The following C5 variants were observed in gnomAD, a reference collection of about 807,000 sequenced individuals.
C5 encodes the protein C3 and PZP-like alpha-2-macroglobulin domain-containing protein 4.
C5 carries 140 observed loss-of-function variants against 218.8 expected under a neutral mutation model. The observed-to-expected ratio is 0.64, with a 90% CI of 0.56 to 0.74. The LOEUF is 0.74. Among genes scored for constraint, C5 ranks in the 30% least tolerant of loss-of-function variants. The pLI is 0.00. For synonymous variants in C5, 614 were observed against 682.3 expected, an observed-to-expected ratio of 0.90 and a Z score of 1.56; for missense variants, 1,700 against 1,969.6, an observed-to-expected ratio of 0.86 and a Z score of 2.59.
chr9:121,023,338 AC>A, intron 10 of C5, 65 bp downstream of exon 10: 1 of 1,018,490 alleles, frequency 9.8e-7, no homozygotes, highest in South Asian at 1.3e-5. Context: ...TTTGCCACCC[AC>A]ATGTTTTCCA....
intron 29 of C5, among the ~76,000 whole-genome samples, chr9:120,975,350 TC>T (rs1263975576): frequency 6.6e-6 from 1 of 152,190 alleles, no homozygotes. Flanking sequence ...AGCATTCATC[TC>T]AATTTGTAAT....
chr9:121,010,363 T>G (rs1249761165), intron 17 of C5, among the ~76,000 whole-genome samples: 1 of 151,838 alleles, frequency 6.6e-6, no homozygotes, highest in East Asian at 1.9e-4. Flanking sequence ...AAAAAGAAAT[T>G]TAAAAAGTAA....
chr9:121,010,727 T>C (rs2047254613), intron 17 of C5, among the ~76,000 whole-genome samples: 1 of 152,178 alleles, frequency 6.6e-6, no homozygotes, highest in Admixed American at 6.5e-5. Context: ...TTACCTGACT[T>C]CAAATTATAC....
intron 11 of C5, 87 bp downstream of exon 11, chr9:121,021,422 C>T (rs1178814098): frequency 4.8e-6 from 5 of 1,041,828 alleles, no homozygotes; most frequent in Middle Eastern, 2.0e-4. Context: ...TGTGTAAAAT[C>T]TGCCGCATCT....
At chr9:121,054,109 G>A (rs2047686489), upstream of C5, among the ~76,000 whole-genome samples, 1 of 152,102 alleles carries the variant, frequency 6.6e-6, no homozygotes, top group Non-Finnish European at 1.5e-5. Context: ...TGGGAAGGGA[G>A]GTTAGACATG....
intron 28 of C5, among the ~76,000 whole-genome samples, chr9:120,978,960 T>C (rs929311120): frequency 2.0e-5 from 3 of 152,198 alleles, no homozygotes; most frequent in African/African-American, 4.8e-5. Context: ...AACTAGGGTA[T>C]GTGGCCGGGG....
At chr9:121,014,364 A>G (rs894675613) in intron 16 of C5, among the ~76,000 whole-genome samples, 5 of 152,206 alleles carry the variant, frequency 3.3e-5, no homozygotes, top group African/African-American at 1.2e-4. Flanking sequence ...ATATGCAGAA[A>G]AATATAGAAA....
chr9:121,071,964 T>C, the C5 span, among the ~76,000 whole-genome samples: 1,883 of 152,212 alleles, frequency 0.012, 29 homozygotes, highest in African/African-American at 0.043. Context: ...TAAAGAAAAA[T>C]AGTGTGGAAC....
chr9:121,040,265 T>C (rs1350408757), intron 3 of C5, among the ~76,000 whole-genome samples: 1 of 152,104 alleles, frequency 6.6e-6, no homozygotes, highest in Non-Finnish European at 1.5e-5. Flanking sequence ...GGCCTTAATA[T>C]GGATGGGGAA....
chr9:120,953,421 T>C (rs1410240294), intron 40 of C5, among the ~76,000 whole-genome samples: 1 of 152,162 alleles, frequency 6.6e-6, no homozygotes, highest in Non-Finnish European at 1.5e-5. Flanking sequence ...ATACAATACA[T>C]ATTTACACAT....
At position 120,969,054 on chromosome 9, in the gene C5, G is replaced by A. The variant is rs1327472338; in HGVS notation, c.4220+7C>T. The A allele has an allele frequency of 2.5e-5, 41 of 1,612,080 alleles. No individual in the cohort carries two copies. The highest frequency in any genetic ancestry group is 3.2e-5 in the Non-Finnish European group (38 of 1,178,278). On this transcript the variant is annotated splice_region_variant and intron_variant, in intron 33 of 40. Coordinates refer to ENST00000223642, the MANE Select transcript of C5 (RefSeq NM_001735.3). ...GTCTATGCTCCCCTTTGTGGAAATA[G>A]GCTCACCTGGCACATGCTACTATGC...
At chr9:121,030,577 G>C in intron 6 of C5, 90 bp from the exon 7 acceptor site, 1 of 709,684 alleles carries the variant, frequency 1.4e-6, no homozygotes, top group Non-Finnish European at 2.4e-6. Flanking sequence ...GGTATAGTTG[G>C]ACAAGCTGTA....
At chr9:121,074,330 C>A in the C5 span, among the ~76,000 whole-genome samples, 1 of 152,206 alleles carries the variant, frequency 6.6e-6, no homozygotes, top group African/African-American at 2.4e-5. Flanking sequence ...GGGCAAGCCC[C>A]AGATGAAGCC....
chr9:121,071,480 T>C, the C5 span, among the ~76,000 whole-genome samples: 1 of 149,358 alleles, frequency 6.7e-6, no homozygotes, highest in East Asian at 2.0e-4. Context: ...AGCCCAGGAG[T>C]TTAAGACCAG....
chr9:120,996,888 T>C (rs934342381), intron 21 of C5, among the ~76,000 whole-genome samples: 7 of 152,124 alleles, frequency 4.6e-5, no homozygotes, highest in African/African-American at 1.7e-4. Flanking sequence ...AAAAGTACTA[T>C]TATTTTTAAT....
intron 23 of C5, among the ~76,000 whole-genome samples, 155 bp from the exon 24 acceptor site, chr9:120,989,935 G>A (rs926140875): frequency 2.0e-5 from 3 of 151,680 alleles, no homozygotes; most frequent in Admixed American, 6.6e-5. Context: ...AAAAAGATCC[G>A]GTTAGGAACA....
chr9:121,001,990 A>G (rs946976072), intron 20 of C5, among the ~76,000 whole-genome samples: 2 of 151,808 alleles, frequency 1.3e-5, no homozygotes, highest in South Asian at 2.1e-4. Context: ...ACATGGTTCA[A>G]TAAATTATAG....
chr9:121,023,262 C>G (rs771053674), intron 10 of C5, 142 bp downstream of exon 10: 4 of 722,710 alleles, frequency 5.5e-6, no homozygotes, highest in African/African-American at 1.7e-5. Context: ...TGTCTGTGTC[C>G]ACCAGGAGGG....
intron 32 of C5, among the ~76,000 whole-genome samples, chr9:120,969,612 G>T (rs2046895500): frequency 6.6e-6 from 1 of 152,186 alleles, no homozygotes; most frequent in Non-Finnish European, 1.5e-5. Flanking sequence ...ACCAGCAGAG[G>T]GATGTGAGGG....
Sources: allele counts gnomAD v4.1 joint callset (sites outside exome capture counted in the v4.1 genomes callset), GRCh38; gene constraint gnomAD v4.1.1; transcripts MANE v1.5; gene names NCBI Gene and HGNC (gene_info 2026-07-23, HGNC 2026-07-21).